The following ESCO2 variants were observed in gnomAD, a reference collection of about 807,000 sequenced individuals.
The protein encoded by ESCO2 is N-acetyltransferase ESCO2.
ESCO2 carries 51 observed loss-of-function variants against 61.7 expected under a neutral mutation model. The ratio of observed to expected loss-of-function variants is 0.83; its 90% CI spans 0.66 to 1.04. The LOEUF (loss-of-function observed/expected upper bound fraction) is 1.04. Ranked by LOEUF, ESCO2 falls within the 50% of genes least tolerant of loss-of-function variation. The probability of loss-of-function intolerance (pLI) is 0.00; values close to 1 mark genes in which losing one functional copy is unlikely to be tolerated. For missense variants in ESCO2, 692 were observed against 686.2 expected, an observed-to-expected ratio of 1.01 and a Z score of -0.09; for synonymous variants, 230 against 238.2, an observed-to-expected ratio of 0.97 and a Z score of 0.32.
chr8:27,773,344 T>C (rs1338289417), upstream of ESCO2, among the ~76,000 whole-genome samples: 2 of 152,158 alleles, frequency 1.3e-5, no homozygotes, highest in Non-Finnish European at 2.9e-5. Flanking sequence ...TTGTAGTTTC[T>C]ATACATCAAT....
chr8:27,813,613 T>C (rs890508699), downstream of ESCO2, among the ~76,000 whole-genome samples: 2 of 152,188 alleles, frequency 1.3e-5, no homozygotes, highest in African/African-American at 4.8e-5. Context: ...TATCACCTCA[T>C]ATAGTTACCA....
intron 5 of ESCO2, among the ~76,000 whole-genome samples, chr8:27,786,874 T>G (rs1454089747): frequency 7.0e-6 from 1 of 143,602 alleles, no homozygotes; most frequent in Non-Finnish European, 1.6e-5. Flanking sequence ...TTTTTTTTTT[T>G]CTTTCTTATT....
downstream of ESCO2, chr8:27,809,600 A>G (rs1382322405): frequency 6.7e-6 from 1 of 148,384 alleles, no homozygotes; most frequent in African/African-American, 2.5e-5. Flanking sequence ...TCAATGAAGT[A>G]TAAAATAATG....
rs771125221 is a variant in ESCO2 at position 27,775,552 on chromosome 8, C to G, written c.38C>G (p.Ser13Cys). 2.5e-6 allele frequency: 4 copies of G among 1,614,104 alleles called. No homozygotes were observed. The highest frequency in any genetic ancestry group is 3.4e-6 in the Non-Finnish European group (4 of 1,179,992). The change falls in exon 2 of 11, where the codon TCT (serine) becomes TGT (cysteine). Residue 13 changes from serine to cysteine, a missense_variant. By Grantham distance (112) the Ser-to-Cys change is moderately radical. Coordinates refer to ENST00000305188, the MANE Select transcript of ESCO2 (RefSeq NM_001017420.3). ...ACTCCAAGGAAGAGGAAGCAGGATT[C>G]TTTGAAGTGTGACAGGTGAATCTCA... The part of the protein sequence containing the change: ...ALTPRKRKQD[S>C]LKCDSLLHFT...
intron 10 of ESCO2, 96 bp from the exon 11 acceptor site, chr8:27,803,210 G>C (rs1805489254): frequency 2.8e-6 from 3 of 1,090,278 alleles, no homozygotes; most frequent in Non-Finnish European, 1.4e-6. Flanking sequence ...TAAAAATAAG[G>C]TTGATTTAAG....
chr8:27,812,326 A>G (rs1805704110), downstream of ESCO2: 1 of 152,216 alleles, frequency 6.6e-6, no homozygotes, highest in African/African-American at 2.4e-5. Flanking sequence ...TGTAGTTTTC[A>G]AATTTGATTA....
At chr8:27,802,232 C>G (rs192055911) in intron 10 of ESCO2, among the ~76,000 whole-genome samples, 1 of 150,746 alleles carries the variant, frequency 6.6e-6, no homozygotes. Flanking sequence ...TAAGCAAGAT[C>G]AAGGAGAGTT....
downstream of ESCO2, among the ~76,000 whole-genome samples, chr8:27,816,343 C>CTATATATATATATATATATA (rs767822258): frequency 3.7e-5 from 5 of 136,380 alleles, no homozygotes; most frequent in South Asian, 2.3e-4. Flanking sequence ...TCATCGAATA[C>CTATATATATATATATATATA]TATATATATA....
chr8:27,800,685 AAG>A (rs1251839355), intron 10 of ESCO2, among the ~76,000 whole-genome samples: 1 of 152,192 alleles, frequency 6.6e-6, no homozygotes, highest in Admixed American at 6.5e-5. Context: ...AAAGCCAAAA[AAG>A]TGTAAATAAT....
At chr8:27,798,350 C>T (rs1409208557) in intron 9 of ESCO2, among the ~76,000 whole-genome samples, 1 of 151,960 alleles carries the variant, frequency 6.6e-6, no homozygotes, top group African/African-American at 2.4e-5. Context: ...ATCCCAGCTA[C>T]TTGGGAGGTT....
intron 10 of ESCO2, among the ~76,000 whole-genome samples, chr8:27,802,621 AAAAAAAAAAATATATATAT>A (rs1805458979): frequency 2.4e-5 from 2 of 83,766 alleles, no homozygotes; most frequent in Admixed American, 1.3e-4. Context: ...AAAAAAAAAA[AAAAAAAAAAATATATATAT>A]ATATATATAT....
At chr8:27,772,614 C>A (rs17478478), upstream of ESCO2, 12,767 of 1,468,488 alleles carry the variant, frequency 8.7e-3, 63 homozygotes, top group Non-Finnish European at 0.01. Flanking sequence ...ATACCAGACT[C>A]GCGGCGGCCG....
downstream of ESCO2, chr8:27,812,608 TCAAA>T (rs1287988497): frequency 1.6e-4 from 19 of 119,902 alleles, no homozygotes; most frequent in Admixed American, 3.6e-4. Context: ...TACAAAGAAC[TCAAA>T]CAAATTTACA....
At chr8:27,797,934 T>C (rs1164445345) in intron 9 of ESCO2, among the ~76,000 whole-genome samples, 1 of 152,176 alleles carries the variant, frequency 6.6e-6, no homozygotes, top group Non-Finnish European at 1.5e-5. Context: ...GTCCTGATAA[T>C]AGGCAAGATG....
chr8:27,805,318 G>C (rs866336826), downstream of ESCO2: 2 of 85,804 alleles, frequency 2.3e-5, no homozygotes, highest in African/African-American at 4.1e-5. Context: ...AAAAAAAAAA[G>C]AAGAGGCTTC....
At chr8:27,816,039 T>C (rs1261490593), downstream of ESCO2, among the ~76,000 whole-genome samples, 1 of 152,168 alleles carries the variant, frequency 6.6e-6, no homozygotes, top group Non-Finnish European at 1.5e-5. Flanking sequence ...TGAAAAATGA[T>C]GAAACTGGAG....
intron 4 of ESCO2, among the ~76,000 whole-genome samples, chr8:27,780,997 A>G (rs1804914553): frequency 6.6e-6 from 1 of 152,148 alleles, no homozygotes; most frequent in South Asian, 2.1e-4. Flanking sequence ...AAAATATAAC[A>G]AAAAGGCATC....
chr8:27,802,522 G>T (rs1459335607), intron 10 of ESCO2, among the ~76,000 whole-genome samples: 1 of 140,044 alleles, frequency 7.1e-6, no homozygotes, highest in Non-Finnish European at 1.5e-5. Context: ...CAGGAGAATC[G>T]CTTGAACCCG....
intron 7 of ESCO2, among the ~76,000 whole-genome samples, chr8:27,791,289 C>T (rs1215276767): frequency 6.6e-6 from 1 of 152,098 alleles, no homozygotes; most frequent in Non-Finnish European, 1.5e-5. Context: ...ATTTCAACCT[C>T]ATTTTTTCCA....
Sources: allele counts gnomAD v4.1 joint callset (sites outside exome capture counted in the v4.1 genomes callset), GRCh38; gene constraint gnomAD v4.1.1; transcripts MANE v1.5; gene names NCBI Gene and HGNC (gene_info 2026-07-23, HGNC 2026-07-21).